TMEM182: variants seen among roughly 807,000 people sequenced by gnomAD.
The protein encoded by TMEM182 is transmembrane protein 182.
In TMEM182, 20 loss-of-function variants were observed where a neutral mutation model predicts 26.8. The ratio of observed to expected loss-of-function variants is 0.75; its 90% CI spans 0.53 to 1.09. TMEM182 has a LOEUF of 1.09. Ranked by LOEUF, TMEM182 falls within the 50% of genes least tolerant of loss-of-function variation. The pLI is 0.00. For synonymous variants in TMEM182, 109 were observed against 102.2 expected (o/e 1.07, Z -0.40); for missense variants, 277 against 275.5 (o/e 1.01, Z -0.04).
intron 3 of TMEM182, among the ~76,000 whole-genome samples, chr2:102,768,639 T>C (rs763840194): frequency 6.6e-6 from 1 of 151,964 alleles, no homozygotes; most frequent in Non-Finnish European, 1.5e-5. Context: ...AGGCGGAGGT[T>C]GCGATGAGCT....
intron 4 of TMEM182, among the ~76,000 whole-genome samples, chr2:102,803,440 T>C (rs181770853): frequency 6.6e-6 from 1 of 152,224 alleles, no homozygotes; most frequent in Non-Finnish European, 1.5e-5. Flanking sequence ...ATAAAGGGAA[T>C]AGGAAGTTCC....
intron 3 of TMEM182, among the ~76,000 whole-genome samples, chr2:102,787,074 A>G (rs1335800440): frequency 6.6e-6 from 1 of 152,142 alleles, no homozygotes; most frequent in African/African-American, 2.4e-5. Context: ...TCTTGAATAT[A>G]CCTCTATTCT....
intron 3 of TMEM182, among the ~76,000 whole-genome samples, chr2:102,832,284 C>T (rs935349666): frequency 6.6e-6 from 1 of 152,174 alleles, no homozygotes; most frequent in Non-Finnish European, 1.5e-5. Flanking sequence ...TTACATCCTA[C>T]TTTTGGTATT....
intron 4 of TMEM182, among the ~76,000 whole-genome samples, chr2:102,799,949 T>C (rs1436163196): frequency 2.0e-5 from 3 of 152,136 alleles, no homozygotes; most frequent in Non-Finnish European, 4.4e-5. Flanking sequence ...AGAAAAACTT[T>C]TGCTCCTGAG....
intron 1 of TMEM182, among the ~76,000 whole-genome samples, chr2:102,748,588 T>C (rs13412077): frequency 0.011 from 1,625 of 152,332 alleles, 35 homozygotes; most frequent in African/African-American, 0.037. Context: ...GATTTAACTA[T>C]GACTAAAATA....
downstream of TMEM182, among the ~76,000 whole-genome samples, chr2:102,819,119 A>G (rs999388616): frequency 1.3e-5 from 2 of 152,198 alleles, no homozygotes; most frequent in African/African-American, 4.8e-5. Context: ...AAAATGTAGG[A>G]TAGTTGTCTT....
intron 3 of TMEM182, among the ~76,000 whole-genome samples, chr2:102,783,594 G>C (rs1681263123): frequency 6.6e-6 from 1 of 152,104 alleles, no homozygotes; most frequent in African/African-American, 2.4e-5. Context: ...GCCCAGGGAG[G>C]TACTGCACTC....
chr2:102,780,006 G>GA (rs796163454), intron 3 of TMEM182, among the ~76,000 whole-genome samples: 3 of 150,970 alleles, frequency 2.0e-5, no homozygotes, highest in African/African-American at 7.3e-5. Context: ...TCTGTCTTGG[G>GA]AAAAAAAATT....
intron 1 of TMEM182, 81 bp from the exon 2 acceptor site, chr2:102,762,506 T>C (rs1680254284): frequency 6.5e-7 from 1 of 1,539,676 alleles, no homozygotes; most frequent in African/African-American, 1.4e-5. Flanking sequence ...AAAATACATG[T>C]CCTTAAAAAT....
intron 1 of TMEM182, among the ~76,000 whole-genome samples, chr2:102,747,326 A>C (rs935373562): frequency 6.6e-6 from 1 of 152,198 alleles, no homozygotes; most frequent in African/African-American, 2.4e-5. Flanking sequence ...TTTGCCAGGG[A>C]AAGTGTCATC....
chr2:102,782,721 C>T (rs937041045), intron 3 of TMEM182, among the ~76,000 whole-genome samples: 2 of 152,106 alleles, frequency 1.3e-5, no homozygotes, highest in Non-Finnish European at 2.9e-5. Context: ...ATTCGTGTTC[C>T]TCATGAGCAA....
At chr2:102,792,117 A>ATG (rs751752989) in intron 3 of TMEM182, among the ~76,000 whole-genome samples, 133 of 150,924 alleles carry the variant, frequency 8.8e-4, no homozygotes, top group Non-Finnish European at 1.5e-3. Context: ...GTGTTAATAT[A>ATG]TGTGTGTGTG....
intron 3 of TMEM182, among the ~76,000 whole-genome samples, chr2:102,789,666 C>T (rs1188204768): frequency 2.0e-5 from 3 of 152,106 alleles, no homozygotes; most frequent in East Asian, 1.9e-4. Context: ...ATTCTTTTTC[C>T]TAGCAGTTCA....
At position 102,815,657 on chromosome 2, in the gene TMEM182, C is replaced by T. The variant is rs971484678; in HGVS notation, c.*689C>T. The T allele has an allele frequency of 6.1e-6, 6 of 984,626 alleles. No individual in the cohort carries two copies. The African/African-American group carries it at 1.0e-4, about 17-fold the overall frequency. The allele number at this position is 984,626 out of a possible 1,614,324, so 61.0% of individuals were successfully genotyped here. The stretch of plus-strand genomic sequence containing the variant: ...CATTTAAAACTAGCAAATCTGCATA[C>T]CAAATTATGTATAACGTAGATTGAA... On this transcript the variant is annotated 3_prime_UTR_variant, in exon 5 of 5. Transcript: ENST00000412401.
Position 102,832,868 on chromosome 2 carries a change from T to G in TMEM182, c.326-10544T>G, listed in dbSNP as rs139189642. Among the ~76,000 whole-genome samples the G allele has an allele frequency of 2.0e-3, 302 of 152,356 alleles. 1 individual carries two copies. Among genetic ancestry groups the G allele is most frequent in the African/African-American group, 6.5e-3 (271 of 41,580 alleles). ...TAATTTTTTGAATAGTTTAGAATTT[T>G]TATAGCCTGATAACAGATCTTCCAA... On this transcript the variant is annotated intron_variant, in intron 3 of 3. Transcript: ENST00000486293.
chr2:102,742,743 A>C (rs1679579806), intron 1 of TMEM182, among the ~76,000 whole-genome samples: 1 of 152,224 alleles, frequency 6.6e-6, no homozygotes, highest in South Asian at 2.1e-4. Flanking sequence ...ATCAGCAAAC[A>C]TACAAGCAAG....
rs530368381 is a variant in TMEM182, at chr2:102,789,988, C to G, written c.332-7875C>G. Among the ~76,000 whole-genome samples, 272 of 152,278 alleles carry G rather than the reference C, an allele frequency of 1.8e-3. 8 individuals are homozygous for G. The South Asian group carries it at 0.052, about 29-fold the overall frequency. On this transcript the variant is annotated intron_variant, in intron 3 of 4. Transcript: ENST00000412401. ...AGACCCAGCACCATATGCCCTTTCTCACTGCTACTCAGCCCTGAAATCATG... is the reference window on the plus strand; with the variant it reads ...AGACCCAGCACCATATGCCCTTTCTGACTGCTACTCAGCCCTGAAATCATG...
chr2:102,825,428 A>C (rs1683014701), intron 3 of TMEM182, among the ~76,000 whole-genome samples: 1 of 152,222 alleles, frequency 6.6e-6, no homozygotes, highest in Non-Finnish European at 1.5e-5. Context: ...GTATTGTTTT[A>C]ACATTTTTCG....
chr2:102,829,629 A>C (rs1683114072), intron 3 of TMEM182, among the ~76,000 whole-genome samples: 1 of 152,208 alleles, frequency 6.6e-6, no homozygotes, highest in African/African-American at 2.4e-5. Context: ...GAGAAAGTAT[A>C]GGAGCTTTTG....
Sources: gnomAD v4.1 joint callset for allele counts (sites outside exome capture counted in the v4.1 genomes callset) on GRCh38, gnomAD v4.1.1 for gene constraint, MANE v1.5 for transcripts, NCBI Gene and HGNC (gene_info 2026-07-23, HGNC 2026-07-21) for gene names.